Variants in SAMD14 observed in about 807,000 individuals in gnomAD.
SAMD14 encodes sterile alpha motif domain containing 14.
SAMD14 carries 27 observed loss-of-function variants against 46.2 expected under a neutral mutation model. The observed-to-expected ratio is 0.58, with a 90% CI of 0.43 to 0.81. The LOEUF (loss-of-function observed/expected upper bound fraction) is 0.81, where lower values mean the gene tolerates loss of function less well. Ranked by LOEUF, SAMD14 falls within the 30% of genes least tolerant of loss-of-function variation. The pLI is 0.00. For missense variants in SAMD14, 559 were observed against 582.2 expected (o/e 0.96, Z 0.41); for synonymous variants, 241 against 254.3 (o/e 0.95, Z 0.50).
At chr17:50,116,288 A>C in intron 4 of SAMD14, 198 bp from the exon 5 acceptor site, 3 of 716,458 alleles carry the variant, frequency 4.2e-6, no homozygotes, top group East Asian at 5.7e-5. Context: ...GGATAATAAC[A>C]TCTACCTGCT....
chr17:50,127,656 G>A (rs1911841651), intron 1 of SAMD14, among the ~76,000 whole-genome samples: 1 of 151,992 alleles, frequency 6.6e-6, no homozygotes, highest in African/African-American at 2.4e-5. Flanking sequence ...GCCTGGGGCT[G>A]AAAGCAGAAA....
At position 50,110,800 on chromosome 17, in the gene SAMD14, C is replaced by T. The variant is rs1440034688; in HGVS notation, c.*2093G>A. 2.0e-5 allele frequency: 3 copies of T among 152,298 alleles called. No individual in the cohort carries two copies. Among genetic ancestry groups the T allele is most frequent in the African/African-American group, 4.8e-5 (2 of 41,414 alleles). 9.4% of individuals were successfully genotyped at this position (152,298 alleles called of 1,614,324 possible). ...CTCCTGAGCCCTCCCAGCATGTCCT[C>T]ACATGCTCATGCCCACCCGCTCCTC... On this transcript the variant is annotated 3_prime_UTR_variant, in exon 10 of 10. Coordinates refer to ENST00000330175, the MANE Select transcript of SAMD14 (RefSeq NM_001257359.2).
In SAMD14 at chr17:50,117,387, C is replaced by T. The variant is rs2144399868; in HGVS notation, c.499+20G>A. 7.8e-7 allele frequency: 1 copy of T among 1,288,362 alleles called. No individual in the cohort carries two copies. Among genetic ancestry groups the T allele is most frequent in the East Asian group, 3.1e-5 (1 of 31,788 alleles). The allele number at this position is 1,288,362 out of a possible 1,614,324, so 79.8% of individuals were successfully genotyped here. ...GCCCGGGAGCGACCAGCAGGAGGTG[C>T]GGCGCTGGCCGCCTCTCACCTTCGC... On this transcript the variant is annotated intron_variant, in intron 4 of 9. Transcript: ENST00000330175.
In SAMD14 at chr17:50,112,955, C is replaced by T. The variant is rs984542545; in HGVS notation, c.1192G>A (p.Glu398Lys). ...AAAEKERKAQ[E>K]KAARQREKLR... The stretch of plus-strand genomic sequence containing the variant: ...TTCTCCCGCTGCCGCGCAGCCTTCT[C>T]CTGGGCCTTGCGCTCCTTCTCGGCA... Residue 398 changes from glutamate (E) to lysine (K), a missense_variant, in exon 10 of 10, where the codon GAG (glutamate) becomes AAG (lysine). By Grantham distance (56) the Glu-to-Lys change is moderately conservative. Coordinates refer to ENST00000330175, the MANE Select transcript of SAMD14 (RefSeq NM_001257359.2). 3.1e-6 allele frequency: 5 copies of T among 1,611,030 alleles called. No individual in the cohort carries two copies. Among genetic ancestry groups the T allele is most frequent in the Non-Finnish European group, 4.2e-6 (5 of 1,179,990 alleles).
rs776689967 is a variant in SAMD14 at position 50,115,881 on chromosome 17, G to A, written c.611C>T (p.Thr204Met). The A allele has an allele frequency of 3.7e-6, 6 of 1,613,142 alleles. No homozygotes were observed. The highest frequency in any genetic ancestry group is 2.2e-5 in the East Asian group (1 of 44,884). The stretch of plus-strand genomic sequence containing the variant: ...GCCTTTCTCCTTCCGGCTCTTGCCC[G>A]TGGATGCTCGGCGCAGGGTGACCCT... Reference protein sequence around the residue: ...DLGVTLRRASTGKSRKEKGSN... With the variant: ...DLGVTLRRASMGKSRKEKGSN... The change falls in exon 6 of 10, where the codon ACG (threonine) becomes ATG (methionine). Residue 204 changes from threonine (T) to methionine (M), a missense_variant. Thr to Met is a moderately conservative substitution (Grantham distance 81). Transcript: ENST00000330175. This position sits in a 1 kb window ranked among gnomAD's most constrained non-coding sequence, Gnocchi z 5.3.
Position 50,129,603 on chromosome 17 carries a change from G to A in SAMD14, c.-99C>T, listed in dbSNP as rs2144426149. The A allele has an allele frequency of 6.6e-6, 1 of 152,222 alleles. No individual in the cohort carries two copies. The highest frequency in any genetic ancestry group is 1.9e-4 in the East Asian group (1 of 5,130). The allele number at this position is 152,222 out of a possible 1,614,324, so 9.4% of individuals were successfully genotyped here. A position where few individuals can be genotyped will look rare whatever the true frequency, so the allele number is the denominator to read the frequency against. ...GAGGCGGGGGCCGGGCAGGAGAGGGGTGGGGGGACCGTCACCCCGGCCGCG... is the reference window on the plus strand; with the variant it reads ...GAGGCGGGGGCCGGGCAGGAGAGGGATGGGGGGACCGTCACCCCGGCCGCG... On this transcript the variant is annotated 5_prime_UTR_variant, in exon 1 of 10. Transcript: ENST00000330175. The surrounding 1 kb of genome is among the most constrained non-coding windows in gnomAD (Gnocchi z 5.6).
intron 3 of SAMD14, 81 bp downstream of exon 3, chr17:50,118,080 G>C: frequency 7.1e-7 from 1 of 1,406,358 alleles, no homozygotes; most frequent in Non-Finnish European, 9.5e-7. Flanking sequence ...CCCTGGAAGA[G>C]CACTCTGGAG....
At chr17:50,121,359 C>T (rs1170825191) in intron 2 of SAMD14, among the ~76,000 whole-genome samples, 1 of 151,922 alleles carries the variant, frequency 6.6e-6, no homozygotes, top group Non-Finnish European at 1.5e-5. Flanking sequence ...GCTCTGCCAC[C>T]CAGGCTAGAG....
intron 7 of SAMD14, chr17:50,114,594 A>T: frequency 1.5e-6 from 1 of 663,612 alleles, no homozygotes; most frequent in Non-Finnish European, 2.5e-6. Context: ...CAGGCAGACC[A>T]CCGAGATTCC....
intron 1 of SAMD14, 160 bp from the exon 2 acceptor site, chr17:50,125,131 G>A: frequency 3.1e-6 from 2 of 653,882 alleles, no homozygotes; most frequent in Non-Finnish European, 5.3e-6. Context: ...GAAGCCACTG[G>A]AATCATAACC....
In SAMD14 at chr17:50,112,810, C is replaced by T. The variant is rs948211300; in HGVS notation, c.*83G>A. 6.7e-7 allele frequency: 1 copy of T among 1,495,040 alleles called. No homozygotes were observed. The highest frequency in any genetic ancestry group is 9.0e-7 in the Non-Finnish European group (1 of 1,116,442). 92.6% of individuals were successfully genotyped at this position (1,495,040 alleles called of 1,614,324 possible). A position where few individuals can be genotyped will look rare whatever the true frequency, so the allele number is the denominator to read the frequency against. ...GACCAGGCTAGCCCAAGTGCAGCGCCCAGGTCCAGCCTCCCTGGTGAGGCC... is the reference window on the plus strand; with the variant it reads ...GACCAGGCTAGCCCAAGTGCAGCGCTCAGGTCCAGCCTCCCTGGTGAGGCC... On this transcript the variant is annotated 3_prime_UTR_variant, in exon 10 of 10. Coordinates refer to ENST00000330175, the MANE Select transcript of SAMD14 (RefSeq NM_001257359.2).
At chr17:50,114,485 A>T in intron 7 of SAMD14, 179 bp from the exon 8 acceptor site, 1 of 1,562,992 alleles carries the variant, frequency 6.4e-7, no homozygotes. Context: ...CAGGACCTGA[A>T]GCCTTTGGGA....
Position 50,117,653 on chromosome 17 carries a change from G to T in SAMD14, c.253C>A (p.Pro85Thr), listed in dbSNP as rs1447569390. 1 of 1,551,316 alleles carries T rather than the reference G, an allele frequency of 6.4e-7. No homozygotes were observed. The highest frequency in any genetic ancestry group is 1.2e-5 in the South Asian group (1 of 84,168). Residue 85 changes from proline (P) to threonine (T), a missense_variant, in exon 4 of 10, where the codon CCT (proline) becomes ACT (threonine). By Grantham distance (38) the Pro-to-Thr change is conservative (BLOSUM62 -1). Coordinates refer to ENST00000330175, the MANE Select transcript of SAMD14 (RefSeq NM_001257359.2). ...GGGGACCCCGGGCCTGAGTGCAAAG[G>T]CGAGCGCAGCCGGTGCAGGGGGCTC... ...CGSPLHRLRS[P>T]LHSGPGSPAG...
chr17:50,114,502 G>A, intron 7 of SAMD14, 196 bp from the exon 8 acceptor site: 1 of 1,512,994 alleles, frequency 6.6e-7, no homozygotes, highest in Non-Finnish European at 9.0e-7. Flanking sequence ...GGGAGAGCAG[G>A]CAGCCATCTG....
At chr17:50,113,651 A>G in intron 9 of SAMD14, 1 of 492,470 alleles carries the variant, frequency 2.0e-6, no homozygotes, top group Non-Finnish European at 3.7e-6. Flanking sequence ...CTAGAGGGCA[A>G]GGTCAGCCTG....
At chr17:50,113,622 A>AT (rs1910996595) in intron 9 of SAMD14, 1 of 419,860 alleles carries the variant, frequency 2.4e-6, no homozygotes, top group Non-Finnish European at 4.4e-6. Context: ...CAGGACACTC[A>AT]TATGCATCAA....
intron 2 of SAMD14, among the ~76,000 whole-genome samples, chr17:50,119,982 C>T (rs1016476984): frequency 4.6e-5 from 7 of 152,190 alleles, no homozygotes; most frequent in Non-Finnish European, 1.0e-4. Flanking sequence ...ACGGATTCAT[C>T]CACAATTCCT....
chr17:50,124,771 G>GCGCACACACA lies in SAMD14; in HGVS notation c.43+145_43+146insTGTGTGTGCG, dbSNP rs71353620. ...TACCTGCACGCGTGCACGCGCGCGC[G>GCGCACACACA]CACACACACACACACACACACACAC... On this transcript the variant is annotated intron_variant, in intron 2 of 9. Transcript: ENST00000330175. The GCGCACACACA allele has an allele frequency of 3.4e-3, 1,931 of 569,272 alleles. 18 individuals carry two copies. The highest frequency in any genetic ancestry group is 0.027 in the Admixed American group (965 of 36,266). 35.3% of individuals were successfully genotyped at this position (569,272 alleles called of 1,614,324 possible).
In SAMD14 at chr17:50,115,525, CTG is replaced by C. The variant is rs768291498; in HGVS notation, c.822+37_822+38del. ...AAGTACGCCCTCATGTCACCTGAGA[CTG>C]GGGGCCAGTTTGGGGACAAGAAAGG... On this transcript the variant is annotated intron_variant, in intron 7 of 9. Coordinates refer to ENST00000330175, the MANE Select transcript of SAMD14 (RefSeq NM_001257359.2). The surrounding 1 kb of genome is among the most constrained non-coding windows in gnomAD (Gnocchi z 5.3). 5.4e-5 allele frequency: 81 copies of C among 1,509,756 alleles called. No individual in the cohort carries two copies. Among genetic ancestry groups the C allele is most frequent in the Non-Finnish European group, 7.1e-6 (8 of 1,127,748 alleles). The allele number at this position is 1,509,756 out of a possible 1,614,324, so 93.5% of individuals were successfully genotyped here. A position where few individuals can be genotyped will look rare whatever the true frequency, so the allele number is the denominator to read the frequency against.
Sources: gnomAD v4.1 joint callset for allele counts (sites outside exome capture counted in the v4.1 genomes callset) on GRCh38, gnomAD v4.1.1 for gene constraint, Gnocchi (gnomAD v3.1) non-coding constraint, MANE v1.5 for transcripts, NCBI Gene and HGNC (gene_info 2026-07-23, HGNC 2026-07-21) for gene names.